Variants in DSCAML1 observed in about 807,000 individuals in gnomAD.
DSCAML1 encodes the protein cell adhesion molecule DSCAML1.
A neutral mutation model predicts 200.5 loss-of-function variants in DSCAML1; 38 were observed. That is an observed-to-expected ratio of 0.19 (90% CI 0.15 to 0.25). The LOEUF (loss-of-function observed/expected upper bound fraction) is 0.25. Among genes scored for constraint, DSCAML1 ranks in the 10% least tolerant of loss-of-function variants. The pLI is 1.00. For synonymous variants in DSCAML1, 1,215 were observed against 1,165.0 expected, an observed-to-expected ratio of 1.04 and a Z score of -0.87; for missense variants, 2,223 against 2,858.8, an observed-to-expected ratio of 0.78 and a Z score of 5.07.
intron 3 of DSCAML1, among the ~76,000 whole-genome samples, chr11:117,625,727 A>G (rs2052028765): frequency 6.6e-6 from 1 of 152,206 alleles, no homozygotes; most frequent in African/African-American, 2.4e-5. Flanking sequence ...TGCTGTTGGA[A>G]AATGTGTCAG....
chr11:117,515,997 C>T (rs1410418941), intron 8 of DSCAML1, among the ~76,000 whole-genome samples: 1 of 152,130 alleles, frequency 6.6e-6, no homozygotes, highest in East Asian at 1.9e-4. Context: ...TGTTCCCAGT[C>T]CTGTAGAAGC....
chr11:117,784,197 CA>C (rs2055310782), intron 1 of DSCAML1, among the ~76,000 whole-genome samples: 1 of 152,192 alleles, frequency 6.6e-6, no homozygotes, highest in African/African-American at 2.4e-5. Context: ...GGATTAGACA[CA>C]CCATTCATTT....
intron 11 of DSCAML1, among the ~76,000 whole-genome samples, chr11:117,496,232 T>C (rs1362770170): frequency 1.3e-5 from 2 of 152,196 alleles, no homozygotes; most frequent in Admixed American, 1.3e-4. Context: ...CGAGTCTGTA[T>C]GTTCCTGGAG....
At chr11:117,639,860 C>T (rs982799672) in intron 3 of DSCAML1, among the ~76,000 whole-genome samples, 7 of 152,290 alleles carry the variant, frequency 4.6e-5, no homozygotes, top group Admixed American at 2.6e-4. Context: ...CAAGGCTCAC[C>T]GCCCATCTGT....
chr11:117,696,418 A>AG (rs2053587683), intron 3 of DSCAML1, among the ~76,000 whole-genome samples: 2 of 152,218 alleles, frequency 1.3e-5, no homozygotes, highest in Non-Finnish European at 2.9e-5. Flanking sequence ...AAGGAGAACT[A>AG]GGGGTACCTC....
intron 3 of DSCAML1, among the ~76,000 whole-genome samples, chr11:117,733,213 G>C (rs995405529): frequency 7.2e-5 from 11 of 152,132 alleles, no homozygotes; most frequent in Non-Finnish European, 1.6e-4. Flanking sequence ...TCCCTGATCT[G>C]CTCTGTTTTG....
intron 3 of DSCAML1, among the ~76,000 whole-genome samples, chr11:117,641,040 T>C (rs1322832495): frequency 6.6e-6 from 1 of 152,222 alleles, no homozygotes; most frequent in Non-Finnish European, 1.5e-5. Flanking sequence ...TAGAGGGGAA[T>C]ACACACATTG....
intron 19 of DSCAML1, among the ~76,000 whole-genome samples, chr11:117,457,106 T>C (rs2048387014): frequency 6.6e-6 from 1 of 152,178 alleles, no homozygotes; most frequent in African/African-American, 2.4e-5. Flanking sequence ...GAAACTGGGG[T>C]TCAGGAAGGC....
rs772595212 is a variant in DSCAML1, at chr11:117,518,730, C to T, written c.1246G>A (p.Glu416Lys). 2.5e-6 allele frequency: 4 copies of T among 1,612,662 alleles called. No homozygotes were observed. Among genetic ancestry groups the T allele is most frequent in the Middle Eastern group, 1.6e-4 (1 of 6,062 alleles). ...GTPRIVSSFS[E>K]KVVNPGEQFS... ...TGCTCCCCGGGGTTGACCACCTTCT[C>T]GCTGAAGGACGAGACGATGCGGGGC... is the stretch of plus-strand genomic sequence containing the variant. Residue 416 changes from glutamate (E) to lysine (K), a missense_variant, in exon 7 of 33, where the codon GAG becomes AAG. Glu to Lys is a moderately conservative substitution (Grantham distance 56). This residue lies in a region of DSCAML1 where 579 missense variants were observed against 721.5 expected (regional missense o/e 0.80). Coordinates refer to ENST00000651296, the MANE Select transcript of DSCAML1 (RefSeq NM_020693.4). The surrounding 1 kb of genome is among the most constrained non-coding windows in gnomAD (Gnocchi z 6.3).
chr11:117,725,131 C>A (rs1425549276), intron 3 of DSCAML1, among the ~76,000 whole-genome samples: 3 of 152,222 alleles, frequency 2.0e-5, no homozygotes, highest in African/African-American at 7.2e-5. Flanking sequence ...CCCCACCAAT[C>A]CTGACTGCCT....
At chr11:117,711,177 T>C (rs2053842382) in intron 3 of DSCAML1, among the ~76,000 whole-genome samples, 1 of 152,306 alleles carries the variant, frequency 6.6e-6, no homozygotes, top group Non-Finnish European at 1.5e-5. Flanking sequence ...GATTTCTGCC[T>C]CATGGGGCAG....
chr11:117,580,590 T>C (rs1966432900), intron 3 of DSCAML1, among the ~76,000 whole-genome samples: 1 of 152,194 alleles, frequency 6.6e-6, no homozygotes, highest in South Asian at 2.1e-4. Flanking sequence ...TGTTGGCCAT[T>C]TTAATGATCG....
At chr11:117,605,394 G>A (rs144892936) in intron 3 of DSCAML1, among the ~76,000 whole-genome samples, 547 of 152,206 alleles carry the variant, frequency 3.6e-3, no homozygotes, top group African/African-American at 0.012. Context: ...TCTGGGAGCC[G>A]CCCTCTGCCG....
chr11:117,676,535 G>A (rs1473413521), intron 3 of DSCAML1, among the ~76,000 whole-genome samples: 1 of 152,232 alleles, frequency 6.6e-6, no homozygotes, highest in Non-Finnish European at 1.5e-5. Flanking sequence ...GGTCCAGGGG[G>A]GTTCCATTGC....
At chr11:117,653,969 T>C (rs903920251) in intron 3 of DSCAML1, among the ~76,000 whole-genome samples, 1 of 152,144 alleles carries the variant, frequency 6.6e-6, no homozygotes, top group African/African-American at 2.4e-5. Flanking sequence ...GAGGCTGCAG[T>C]GAGCTACGAT....
rs145253564 is a variant in DSCAML1 at position 117,692,743 on chromosome 11, C to T, written c.511+84048G>A. ...CCAGGCCCTGCTCGCACACCTTTAG[C>T]GGTAGGAAGCTCATGACCTGCACGG... On this transcript the variant is annotated intron_variant, in intron 3 of 32. Transcript: ENST00000651296. Among the ~76,000 whole-genome samples the T allele has an allele frequency of 9.2e-3, 1,402 of 152,266 alleles. 14 individuals carry two copies. Among genetic ancestry groups the T allele is most frequent in the Middle Eastern group, 0.031 (9 of 294 alleles).
At chr11:117,809,063 A>G (rs1286049580) in intron 1 of DSCAML1, among the ~76,000 whole-genome samples, 1 of 152,214 alleles carries the variant, frequency 6.6e-6, no homozygotes, top group Non-Finnish European at 1.5e-5. Flanking sequence ...CCCCTGCTTC[A>G]TATCATTTCC....
At chr11:117,711,343 C>T (rs554164517) in intron 3 of DSCAML1, among the ~76,000 whole-genome samples, 3 of 152,164 alleles carry the variant, frequency 2.0e-5, no homozygotes, top group Non-Finnish European at 4.4e-5. Context: ...CTGCTGCTCC[C>T]GTTTTACAGA....
chr11:117,481,972 G>A lies in DSCAML1; in HGVS notation c.2550C>T (p.Ser850=), dbSNP rs753433307. 4 of 1,613,922 alleles carry A rather than the reference G, an allele frequency of 2.5e-6. No homozygotes were observed. The highest frequency in any genetic ancestry group is 3.4e-6 in the Non-Finnish European group (4 of 1,180,006). Residue 850 remains serine, a synonymous_variant, in exon 12 of 33, where the codon TCC becomes TCT. Transcript: ENST00000651296. The stretch of plus-strand genomic sequence containing the variant: ...AGGTGGGGGTGCTCACCTTCAGTGT[G>A]GAGACGACCTCGTCGCCGTTGTCCT... ...ATKDNGDEVV[S]TLKLKPADRG...
Sources: gnomAD v4.1 joint callset for allele counts (sites outside exome capture counted in the v4.1 genomes callset) on GRCh38, gnomAD v4.1.1 for gene constraint, gnomAD v4.1.1 regional missense constraint, Gnocchi (gnomAD v3.1) non-coding constraint, MANE v1.5 for transcripts, NCBI Gene and HGNC (gene_info 2026-07-23, HGNC 2026-07-21) for gene names.